ITGA11: variants seen among roughly 807,000 people sequenced by gnomAD.
ITGA11 encodes the protein integrin alpha-11.
A neutral mutation model predicts 141.9 loss-of-function variants in ITGA11; 97 were observed. That is an observed-to-expected ratio of 0.68 (90% confidence interval 0.58 to 0.81). The LOEUF is 0.81. Among genes scored for constraint, ITGA11 ranks in the 30% least tolerant of loss-of-function variants. The pLI is 0.00. For synonymous variants in ITGA11, 658 were observed against 624.6 expected (o/e 1.05, Z -0.80); for missense variants, 1,387 against 1,559.2 (o/e 0.89, Z 1.86).
At chr15:68,375,474 T>C (rs1162121452) in intron 2 of ITGA11, among the ~76,000 whole-genome samples, 3 of 152,204 alleles carry the variant, frequency 2.0e-5, no homozygotes, top group Non-Finnish European at 4.4e-5. Flanking sequence ...TCCAAATGCC[T>C]GCCCAGTGGG....
intron 2 of ITGA11, among the ~76,000 whole-genome samples, chr15:68,389,632 C>T (rs1406285619): frequency 1.3e-5 from 2 of 152,260 alleles, no homozygotes; most frequent in African/African-American, 2.4e-5. Flanking sequence ...CCTGTCTGTA[C>T]ACCTGTACCC....
intron 21 of ITGA11, among the ~76,000 whole-genome samples, chr15:68,316,654 T>C (rs917607505): frequency 6.6e-6 from 1 of 152,232 alleles, no homozygotes; most frequent in East Asian, 1.9e-4. Context: ...ACCCTGCTCC[T>C]GGGAGCACTG....
chr15:68,326,841 C>A lies in ITGA11; in HGVS notation c.2069-45G>T. On this transcript the variant is annotated intron_variant, in intron 16 of 29. Coordinates refer to ENST00000315757, the MANE Select transcript of ITGA11 (RefSeq NM_001004439.2). The surrounding 1 kb of genome is among the most constrained non-coding windows in gnomAD (Gnocchi z 6.8). Reference sequence around the variant, plus strand: ...AAGACCACAAAGGTGGAGCCACATGCCCATCCAAGACTGTCTGCCTCCTCC... The same window carrying A: ...AAGACCACAAAGGTGGAGCCACATGACCATCCAAGACTGTCTGCCTCCTCC... 1 of 1,545,618 alleles carries A rather than the reference C, an allele frequency of 6.5e-7. No individual in the cohort carries two copies. Among genetic ancestry groups the A allele is most frequent in the East Asian group, 2.4e-5 (1 of 41,438 alleles).
At chr15:68,336,278 G>A (rs971773123) in intron 11 of ITGA11, among the ~76,000 whole-genome samples, 1 of 152,158 alleles carries the variant, frequency 6.6e-6, no homozygotes, top group Non-Finnish European at 1.5e-5. Flanking sequence ...ACTAACCAGG[G>A]TTCTCTTTAT....
At position 68,357,345 on chromosome 15, in the gene ITGA11, C is replaced by T. The variant is rs1441842974; in HGVS notation, c.601-46G>A. ...CAACAGAACATTTTGACCCCATGAACCCATGAACCTTAGAATTTGAGAGTG... is the reference window on the plus strand; with the variant it reads ...CAACAGAACATTTTGACCCCATGAATCCATGAACCTTAGAATTTGAGAGTG... On this transcript the variant is annotated intron_variant, in intron 6 of 29. Transcript: ENST00000315757. The T allele has an allele frequency of 1.9e-6, 3 of 1,580,118 alleles. No homozygotes were observed. The East Asian group carries it at 6.8e-5, about 36-fold the overall frequency.
intron 2 of ITGA11, among the ~76,000 whole-genome samples, chr15:68,397,915 C>T (rs547536038): frequency 1.7e-4 from 25 of 148,442 alleles, no homozygotes; most frequent in East Asian, 1.6e-3. Context: ...GCTTCATAAG[C>T]GAAGGAGAAA....
chr15:68,423,497 G>A (rs1030861008), intron 1 of ITGA11, among the ~76,000 whole-genome samples: 5 of 152,194 alleles, frequency 3.3e-5, no homozygotes, highest in Admixed American at 6.5e-5. Flanking sequence ...TGCTGTTGGC[G>A]TGTGCAGGTG....
intron 1 of ITGA11, among the ~76,000 whole-genome samples, chr15:68,427,627 T>C (rs955942973): frequency 2.6e-5 from 4 of 152,192 alleles, no homozygotes; most frequent in South Asian, 2.1e-4. Flanking sequence ...AAACTCTCCA[T>C]GGAATTTTTT....
At chr15:68,342,997 T>TTCTCTCTCTCTCTCTCTCTCTCTC (rs6145615) in intron 10 of ITGA11, among the ~76,000 whole-genome samples, 1 of 144,032 alleles carries the variant, frequency 6.9e-6, no homozygotes, top group Non-Finnish European at 1.5e-5. Flanking sequence ...GGGCAAGTTC[T>TTCTCTCTCTCTCTCTCTCTCTCTC]TCTCTCTCTC....
chr15:68,400,661 T>C lies in ITGA11; in HGVS notation c.164+2257A>G, dbSNP rs1440703624. ...ATAATATTATATATTATATAATAAA[T>C]ATATTATATATTATATAATAAATAT... is the stretch of plus-strand genomic sequence containing the variant. On this transcript the variant is annotated intron_variant, in intron 2 of 29. Transcript: ENST00000315757. 7.2e-5 allele frequency among the ~76,000 whole-genome samples: 2 copies of C among 27,792 alleles called. 1 individual carries two copies. Among genetic ancestry groups the C allele is most frequent in the Non-Finnish European group, 1.1e-4 (2 of 17,618 alleles). 18.2% of individuals were successfully genotyped at this position (27,792 alleles called of 152,430 possible). A position where few individuals can be genotyped will look rare whatever the true frequency, so the allele number is the denominator to read the frequency against.
chr15:68,302,606 G>A lies in ITGA11; in HGVS notation c.*453C>T, dbSNP rs1044026918. ...AGGGGTGGGATGGGTGAGAGAAAAG[G>A]GCAGAATTCAGATCTGTTTTGTCTT... On this transcript the variant is annotated 3_prime_UTR_variant, in exon 30 of 30. Transcript: ENST00000315757. 6.5e-6 allele frequency: 1 copy of A among 154,540 alleles called. No individual in the cohort carries two copies. Among genetic ancestry groups the A allele is most frequent in the Non-Finnish European group, 1.4e-5 (1 of 69,452 alleles). 9.6% of individuals were successfully genotyped at this position (154,540 alleles called of 1,614,324 possible).
At position 68,303,223 on chromosome 15, in the gene ITGA11, C is replaced by T; in HGVS notation, c.3496-93G>A. 9.1e-7 allele frequency: 1 copy of T among 1,095,936 alleles called. No homozygotes were observed. Among genetic ancestry groups the T allele is most frequent in the East Asian group, 2.6e-5 (1 of 38,876 alleles). The allele number at this position is 1,095,936 out of a possible 1,614,324, so 67.9% of individuals were successfully genotyped here. A position where few individuals can be genotyped will look rare whatever the true frequency, so the allele number is the denominator to read the frequency against. ...TCCACTACCTTTCCTTGGGATTCCT[C>T]CCTCAGGGCTTCCTTGAGTACCCCC... On this transcript the variant is annotated intron_variant, in intron 29 of 29. Coordinates refer to ENST00000315757, the MANE Select transcript of ITGA11 (RefSeq NM_001004439.2). This position sits in a 1 kb window ranked among gnomAD's most constrained non-coding sequence, Gnocchi z 5.3.
chr15:68,363,616 A>G (rs537111419), intron 4 of ITGA11, among the ~76,000 whole-genome samples: 2 of 152,306 alleles, frequency 1.3e-5, no homozygotes, highest in African/African-American at 2.4e-5. Flanking sequence ...AGACCAGAAC[A>G]AAGACTGACA....
chr15:68,360,110 G>T (rs1479693886), intron 5 of ITGA11, among the ~76,000 whole-genome samples: 3 of 152,196 alleles, frequency 2.0e-5, no homozygotes, highest in Non-Finnish European at 4.4e-5. Context: ...TGCATACTGT[G>T]TACAGCATGT....
chr15:68,412,768 C>T (rs1896805641), intron 1 of ITGA11, among the ~76,000 whole-genome samples: 1 of 148,386 alleles, frequency 6.7e-6, no homozygotes, highest in South Asian at 2.2e-4. Context: ...CTCCGCCTCC[C>T]AGGTTCAAGC....
chr15:68,344,247 G>A (rs996670856), intron 10 of ITGA11, among the ~76,000 whole-genome samples: 8 of 152,060 alleles, frequency 5.3e-5, no homozygotes, highest in African/African-American at 1.7e-4. Flanking sequence ...TTGACTGCCC[G>A]CCCAGCCTGG....
chr15:68,425,949 G>A (rs1047047091), intron 1 of ITGA11, among the ~76,000 whole-genome samples: 8 of 152,206 alleles, frequency 5.3e-5, no homozygotes, highest in Non-Finnish European at 7.3e-5. Flanking sequence ...CACATGCCAC[G>A]TGGAAAAACC....
chr15:68,341,787 C>G (rs59699476), intron 10 of ITGA11, among the ~76,000 whole-genome samples: 5,209 of 152,298 alleles, frequency 0.034, 298 homozygotes, highest in African/African-American at 0.12. Flanking sequence ...CTGTGATGTA[C>G]TGAGAAGGGC....
At chr15:68,332,719 CTT>C (rs1257210312) in intron 12 of ITGA11, among the ~76,000 whole-genome samples, 3 of 152,186 alleles carry the variant, frequency 2.0e-5, no homozygotes, top group Non-Finnish European at 4.4e-5. Context: ...CCTCGCCACT[CTT>C]CTTTCTTTCT....
Sources: allele counts gnomAD v4.1 joint callset (sites outside exome capture counted in the v4.1 genomes callset), GRCh38; gene constraint gnomAD v4.1.1; non-coding constraint Gnocchi (gnomAD v3.1); transcripts MANE v1.5; gene names NCBI Gene and HGNC (gene_info 2026-07-23, HGNC 2026-07-21).